DOCK1: variants seen among roughly 807,000 people sequenced by gnomAD.
The protein encoded by DOCK1 is dedicator of cytokinesis 1, also known as dedicator of cytokinesis protein 1.
A neutral mutation model predicts 262.7 loss-of-function variants in DOCK1; 138 were observed. The ratio of observed to expected loss-of-function variants is 0.53; its 90% CI spans 0.46 to 0.61. The LOEUF (loss-of-function observed/expected upper bound fraction) is 0.61, where lower values mean the gene tolerates loss of function less well. Among genes scored for constraint, DOCK1 ranks in the 20% least tolerant of loss-of-function variants. The probability of loss-of-function intolerance (pLI) is 0.00; values close to 1 mark genes in which losing one functional copy is unlikely to be tolerated. For synonymous variants in DOCK1, 866 were observed against 867.4 expected (o/e 1.00, Z 0.03); for missense variants, 1,908 against 2,370.7 (o/e 0.80, Z 4.05).
intron 27 of DOCK1, among the ~76,000 whole-genome samples, chr10:127,188,475 A>G (rs1046347867): frequency 2.0e-5 from 3 of 152,130 alleles, no homozygotes; most frequent in Non-Finnish European, 4.4e-5. Flanking sequence ...GCTCTTTTCA[A>G]CCATGGATCT....
At chr10:127,336,013 G>A (rs2063176474) in intron 29 of DOCK1, among the ~76,000 whole-genome samples, 1 of 151,802 alleles carries the variant, frequency 6.6e-6, no homozygotes, top group Non-Finnish European at 1.5e-5. Flanking sequence ...ACCATGCCCA[G>A]CCTGTAATTT....
At chr10:127,240,116 A>G (rs2059212751) in intron 27 of DOCK1, among the ~76,000 whole-genome samples, 1 of 152,108 alleles carries the variant, frequency 6.6e-6, no homozygotes, top group African/African-American at 2.4e-5. Context: ...TTCTTTCCTT[A>G]TAGTGCCTGG....
chr10:127,433,743 C>G (rs1249249087), intron 48 of DOCK1, among the ~76,000 whole-genome samples: 1 of 152,112 alleles, frequency 6.6e-6, no homozygotes, highest in Non-Finnish European at 1.5e-5. Flanking sequence ...CCGCGGCCCA[C>G]GGGCCACATG....
chr10:126,919,695 C>T (rs576994151), intron 1 of DOCK1, among the ~76,000 whole-genome samples: 45 of 152,324 alleles, frequency 3.0e-4, no homozygotes, highest in East Asian at 5.8e-4. Context: ...GATGACCCCC[C>T]GATCCCGCGT....
At chr10:127,390,277 C>T (rs1470507964) in intron 38 of DOCK1, among the ~76,000 whole-genome samples, 1 of 152,174 alleles carries the variant, frequency 6.6e-6, no homozygotes, top group East Asian at 1.9e-4. Context: ...CTCTAACCCT[C>T]ACTGTTGTCC....
chr10:127,186,524 CG>C (rs773758441), intron 27 of DOCK1, among the ~76,000 whole-genome samples: 861 of 85,674 alleles, frequency 0.01, 103 homozygotes, highest in Non-Finnish European at 0.014. Flanking sequence ...CGCCCCCCCC[CG>C]ATCCAGTTAC....
intron 27 of DOCK1, among the ~76,000 whole-genome samples, chr10:127,205,729 G>C (rs2057689358): frequency 6.6e-6 from 1 of 152,192 alleles, no homozygotes; most frequent in Admixed American, 6.5e-5. Flanking sequence ...CGATTCATAT[G>C]ACAAGTGTTG....
chr10:127,357,388 G>C (rs2064198330), intron 32 of DOCK1, among the ~76,000 whole-genome samples: 1 of 152,220 alleles, frequency 6.6e-6, no homozygotes, highest in Non-Finnish European at 1.5e-5. Flanking sequence ...CCCAGAAAGG[G>C]TGAGTTTCTC....
intron 27 of DOCK1, among the ~76,000 whole-genome samples, chr10:127,235,843 G>GT (rs2059029249): frequency 6.6e-6 from 1 of 151,678 alleles, no homozygotes; most frequent in African/African-American, 2.4e-5. Context: ...TTTCAGTGTG[G>GT]TTTTAACTTG....
chr10:127,182,062 A>G (rs1472077298), intron 27 of DOCK1, among the ~76,000 whole-genome samples: 1 of 152,190 alleles, frequency 6.6e-6, no homozygotes, highest in Non-Finnish European at 1.5e-5. Flanking sequence ...GCAATGCGTG[A>G]GGAACTGTTT....
intron 3 of DOCK1, 147 bp downstream of exon 3, chr10:126,978,135 G>A (rs557472881): frequency 7.8e-6 from 6 of 771,536 alleles, no homozygotes; most frequent in East Asian, 2.5e-5. Context: ...GAATGTGAAC[G>A]AGCTTGGATT....
intron 29 of DOCK1, among the ~76,000 whole-genome samples, chr10:127,277,808 T>C (rs1471465494): frequency 6.6e-6 from 1 of 152,210 alleles, no homozygotes; most frequent in Non-Finnish European, 1.5e-5. Flanking sequence ...GAACGCTTTT[T>C]AGATTTAGTG....
chr10:127,260,720 C>T (rs1296586328), intron 29 of DOCK1, among the ~76,000 whole-genome samples: 1 of 123,280 alleles, frequency 8.1e-6, no homozygotes, highest in Non-Finnish European at 1.6e-5. Context: ...TGTGTCCTTG[C>T]ATGTGTGTGC....
chr10:127,199,154 C>T (rs1289149132), intron 27 of DOCK1, among the ~76,000 whole-genome samples: 4 of 151,958 alleles, frequency 2.6e-5, no homozygotes, highest in African/African-American at 9.7e-5. Flanking sequence ...AAAAGATAGA[C>T]TTGCAAAGGA....
chr10:127,172,878 C>T (rs538719034), intron 27 of DOCK1, among the ~76,000 whole-genome samples: 10 of 152,260 alleles, frequency 6.6e-5, no homozygotes, highest in Non-Finnish European at 1.2e-4. Context: ...GGAAATGTTC[C>T]GTAGCTGCAC....
chr10:126,965,495 T>A (rs2037601279), intron 1 of DOCK1, among the ~76,000 whole-genome samples: 1 of 152,092 alleles, frequency 6.6e-6, no homozygotes, highest in South Asian at 2.1e-4. Flanking sequence ...AGTCTGTACA[T>A]CTCACCGAGG....
chr10:126,962,850 TTA>T (rs2037333874), intron 1 of DOCK1, among the ~76,000 whole-genome samples: 1 of 152,204 alleles, frequency 6.6e-6, no homozygotes. Flanking sequence ...TCTAAGAATT[TTA>T]TAGTTTTAGC....
At chr10:127,260,655 GTGTGTGTCCCTGCA>G (rs1411336269) in intron 29 of DOCK1, among the ~76,000 whole-genome samples, 137 of 149,398 alleles carry the variant, frequency 9.2e-4, no homozygotes, top group Middle Eastern at 3.5e-3. Flanking sequence ...GTGCTCATCT[GTGTGTGTCCCTGCA>G]TGTGTGTGCA....
At chr10:127,157,134 A>C (rs2053162205) in intron 27 of DOCK1, among the ~76,000 whole-genome samples, 1 of 152,234 alleles carries the variant, frequency 6.6e-6, no homozygotes, top group Non-Finnish European at 1.5e-5. Context: ...CTGAGTGTTA[A>C]GGAAGTGTTG....
Sources: gnomAD v4.1 joint callset for allele counts (sites outside exome capture counted in the v4.1 genomes callset) on GRCh38, gnomAD v4.1.1 for gene constraint, MANE v1.5 for transcripts, NCBI Gene and HGNC (gene_info 2026-07-23, HGNC 2026-07-21) for gene names.